PC: variants seen among roughly 807,000 people sequenced by gnomAD.
PC encodes the protein pyruvate carboxylase, mitochondrial.
In PC, 46 loss-of-function variants were observed where a neutral mutation model predicts 107.8. The observed-to-expected ratio is 0.43, with a 90% CI of 0.34 to 0.55. The LOEUF is 0.55. Ranked by LOEUF, PC falls within the 20% of genes least tolerant of loss-of-function variation. The probability of loss-of-function intolerance (pLI) is 0.04; values close to 1 mark genes in which losing one functional copy is unlikely to be tolerated. For missense variants in PC, 1,241 were observed against 1,643.1 expected (o/e 0.76, Z 4.23); for synonymous variants, 662 against 684.7 (o/e 0.97, Z 0.52).
chr11:66,878,224 C>G (rs982481591), intron 3 of PC, among the ~76,000 whole-genome samples: 1 of 152,122 alleles, frequency 6.6e-6, no homozygotes, highest in African/African-American at 2.4e-5. Flanking sequence ...CTCAAACCTC[C>G]AGGGCAGTTT....
intron 3 of PC, among the ~76,000 whole-genome samples, chr11:66,925,790 C>T (rs910547292): frequency 1.1e-4 from 17 of 152,044 alleles, no homozygotes; most frequent in Admixed American, 9.8e-4. Context: ...TAAAGATAGA[C>T]ATAAGAAATA....
At chr11:66,888,992 T>G (rs1947470019) in intron 3 of PC, among the ~76,000 whole-genome samples, 1 of 152,148 alleles carries the variant, frequency 6.6e-6, no homozygotes, top group Non-Finnish European at 1.5e-5. Context: ...GAGAATCGCT[T>G]GAACCCAGGA....
chr11:66,867,934 T>G (rs1946564562), intron 10 of PC, among the ~76,000 whole-genome samples: 1 of 152,178 alleles, frequency 6.6e-6, no homozygotes, highest in Admixed American at 6.5e-5. Flanking sequence ...AGAACTGGGG[T>G]CAGGGATGCT....
At chr11:66,939,926 A>G (rs927379343) in intron 3 of PC, among the ~76,000 whole-genome samples, 3 of 152,106 alleles carry the variant, frequency 2.0e-5, no homozygotes, top group South Asian at 2.1e-4. Context: ...TGACCTAAAC[A>G]TAAGACCTAA....
chr11:66,849,184 G>A (rs1281932129), intron 22 of PC, 37 bp from the exon 23 acceptor site: 33 of 1,613,562 alleles, frequency 2.0e-5, no homozygotes, highest in Non-Finnish European at 2.1e-5. Context: ...GACATCCTGG[G>A]CCCAGCCAAG....
chr11:66,907,331 C>A (rs1006953018), intron 3 of PC, among the ~76,000 whole-genome samples: 1 of 152,178 alleles, frequency 6.6e-6, no homozygotes, highest in African/African-American at 2.4e-5. Context: ...AGTTCAAGAC[C>A]ATCCTGGCCA....
chr11:66,935,714 C>T (rs972909897), intron 3 of PC, among the ~76,000 whole-genome samples: 5 of 152,184 alleles, frequency 3.3e-5, no homozygotes, highest in African/African-American at 4.8e-5. Context: ...GAGAGAGACA[C>T]TGAACCTCTC....
Position 66,858,048 on chromosome 11 carries a change from CACCTTGACGGCA to C in PC, c.1369-4677_1369-4666del. On this transcript the variant is annotated intron_variant, in intron 12 of 22. Transcript: ENST00000393960. The surrounding 1 kb of genome is among the most constrained non-coding windows in gnomAD (Gnocchi z 5.9). ...GGACCTCGAGAGCCTGCGTTCCCTCCACCTTGACGGCAACAGGCTGGTGGAGCTGGGCACCGG... is the reference window on the plus strand; with the variant it reads ...GGACCTCGAGAGCCTGCGTTCCCTCCACAGGCTGGTGGAGCTGGGCACCGG... 1 of 1,610,856 alleles carries C rather than the reference CACCTTGACGGCA, an allele frequency of 6.2e-7. No homozygotes were observed. Among genetic ancestry groups the C allele is most frequent in the Non-Finnish European group, 8.5e-7 (1 of 1,179,140 alleles).
chr11:66,869,063 T>G, intron 9 of PC, 99 bp from the exon 10 acceptor site: 1 of 913,866 alleles, frequency 1.1e-6, no homozygotes, highest in Non-Finnish European at 1.8e-6. Context: ...TTGGGTTGGT[T>G]CCGTAAAAGA....
intron 3 of PC, among the ~76,000 whole-genome samples, chr11:66,916,712 C>T (rs990257937): frequency 1.3e-5 from 2 of 151,938 alleles, no homozygotes; most frequent in Non-Finnish European, 2.9e-5. Flanking sequence ...CCCAGCACTT[C>T]GGGAGGCCGA....
intron 12 of PC, among the ~76,000 whole-genome samples, chr11:66,861,883 G>A (rs543597948): frequency 2.0e-5 from 3 of 152,224 alleles, no homozygotes; most frequent in South Asian, 4.1e-4. Flanking sequence ...AGATCTTTCC[G>A]GGCCCTCCAG....
intron 12 of PC, chr11:66,859,928 C>T: frequency 6.3e-7 from 1 of 1,587,914 alleles, no homozygotes; most frequent in Non-Finnish European, 8.6e-7. Flanking sequence ...CCGGAAATGG[C>T]CGCCTCCCCC....
intron 3 of PC, among the ~76,000 whole-genome samples, chr11:66,925,725 T>TG (rs1254132476): frequency 6.6e-6 from 1 of 152,200 alleles, no homozygotes; most frequent in East Asian, 1.9e-4. Context: ...GGGTATTGAT[T>TG]GGGGAAGTGA....
intron 3 of PC, among the ~76,000 whole-genome samples, chr11:66,904,262 G>A (rs962642492): frequency 1.3e-5 from 2 of 152,086 alleles, no homozygotes; most frequent in African/African-American, 4.8e-5. Flanking sequence ...ATCCTTGAAG[G>A]AATGATTTCT....
At chr11:66,899,856 A>T (rs1395376450) in intron 3 of PC, among the ~76,000 whole-genome samples, 1 of 152,114 alleles carries the variant, frequency 6.6e-6, no homozygotes, top group Non-Finnish European at 1.5e-5. Context: ...AATTACACTT[A>T]TTTTTCTCCT....
Position 66,850,811 on chromosome 11 carries a change from C to A in PC, c.2336G>T (p.Gly779Val). The A allele has an allele frequency of 6.2e-7, 1 of 1,612,072 alleles. No homozygotes were observed. Among genetic ancestry groups the A allele is most frequent in the Non-Finnish European group, 8.5e-7 (1 of 1,180,016 alleles). Residue 779 changes from glycine (G) to valine (V), a missense_variant, in exon 18 of 23, where the codon GGC (glycine) becomes GTC (valine). Physicochemically the swap from Gly to Val is moderately radical, Grantham distance 109. Around this residue, in one of 2 missense-constraint regions of PC, gnomAD observed 1,143 missense variants for 1,551.9 expected, o/e 0.74. Transcript: ENST00000393960. ...GGCACAGGCCAGCATGGCTGCCACG[C>A]CTGCCCCTGACGTGTCGTGGGTGTG... ...HIHTHDTSGA[G>V]VAAMLACAQA...
chr11:66,954,901 C>T (rs1252610156), intron 1 of PC, among the ~76,000 whole-genome samples: 1 of 152,008 alleles, frequency 6.6e-6, no homozygotes, highest in Non-Finnish European at 1.5e-5. Flanking sequence ...CAAGATGGTG[C>T]CACTGTACTG....
At chr11:66,923,401 GT>G (rs1417035823) in intron 3 of PC, among the ~76,000 whole-genome samples, 9 of 144,730 alleles carry the variant, frequency 6.2e-5, no homozygotes, top group African/African-American at 2.3e-4. Context: ...AAAAAAAGAA[GT>G]CGTGCTAGGC....
chr11:66,871,731 C>T lies in PC; in HGVS notation c.277G>A (p.Val93Met), dbSNP rs867473255. Residue 93 changes from valine (V) to methionine (M), a missense_variant, in exon 5 of 23, where the codon GTG becomes ATG. By Grantham distance (21) the Val-to-Met change is conservative (BLOSUM62 1). This residue lies in a region of PC where 1,143 missense variants were observed against 1,551.9 expected (regional missense o/e 0.74). Coordinates refer to ENST00000393960, the MANE Select transcript of PC (RefSeq NM_001040716.2). This position sits in a 1 kb window ranked among gnomAD's most constrained non-coding sequence, Gnocchi z 7.4. ...TCTGGGATGTGCAGGTAGGCCTGCA[C>T]GGGGGCCAGGCCGCGGCCGATGAGA... is the stretch of plus-strand genomic sequence containing the variant. The part of the protein sequence containing the change: ...AYLIGRGLAP[V>M]QAYLHIPDII... 5.7e-6 allele frequency: 9 copies of T among 1,575,992 alleles called. No homozygotes were observed. Among genetic ancestry groups the T allele is most frequent in the Non-Finnish European group, 7.8e-6 (9 of 1,161,136 alleles).
Sources: gnomAD v4.1 joint callset for allele counts (sites outside exome capture counted in the v4.1 genomes callset) on GRCh38, gnomAD v4.1.1 for gene constraint, gnomAD v4.1.1 regional missense constraint, Gnocchi (gnomAD v3.1) non-coding constraint, MANE v1.5 for transcripts, NCBI Gene and HGNC (gene_info 2026-07-23, HGNC 2026-07-21) for gene names.